TANC2: variants seen among roughly 807,000 people sequenced by gnomAD.
TANC2 encodes the protein protein TANC2.
A neutral mutation model predicts 210.5 loss-of-function variants in TANC2; 26 were observed. The observed-to-expected ratio is 0.12, with a 90% CI of 0.09 to 0.17. The LOEUF is 0.17. TANC2 is among the 10% of genes least tolerant of loss of function. The pLI is 1.00. For synonymous variants in TANC2, 931 were observed against 967.1 expected (o/e 0.96, Z 0.69); for missense variants, 2,129 against 2,608.9 (o/e 0.82, Z 4.01).
intron 5 of TANC2, among the ~76,000 whole-genome samples, chr17:63,176,085 C>G (rs2040570299): frequency 6.6e-6 from 1 of 152,216 alleles, no homozygotes; most frequent in African/African-American, 2.4e-5. Context: ...AACAGGAACT[C>G]TCATGCACAG....
intron 1 of TANC2, among the ~76,000 whole-genome samples, chr17:62,997,522 C>T (rs2033175499): frequency 1.3e-5 from 2 of 151,996 alleles, no homozygotes; most frequent in South Asian, 4.1e-4. Flanking sequence ...CAAAAGGACT[C>T]TGAAGGTCAT....
chr17:63,176,345 G>A (rs1465197207), intron 5 of TANC2, among the ~76,000 whole-genome samples: 3 of 152,160 alleles, frequency 2.0e-5, no homozygotes, highest in Admixed American at 1.3e-4. Context: ...AAGGAATACT[G>A]CTCAGCTATG....
At chr17:63,366,149 C>G (rs1049736319) in intron 14 of TANC2, among the ~76,000 whole-genome samples, 7 of 152,126 alleles carry the variant, frequency 4.6e-5, no homozygotes, top group African/African-American at 1.7e-4. Context: ...AGAAACTCTT[C>G]CCACAACTCA....
At chr17:63,417,932 G>A (rs1271371503) in intron 26 of TANC2, among the ~76,000 whole-genome samples, 2 of 152,202 alleles carry the variant, frequency 1.3e-5, no homozygotes, top group Non-Finnish European at 2.9e-5. Context: ...TCAGACCAGG[G>A]TCCACGTGAA....
intron 5 of TANC2, among the ~76,000 whole-genome samples, chr17:63,184,014 C>CAAAAAAAAAAAAAAAA (rs570141267): frequency 1.7e-5 from 2 of 117,688 alleles, no homozygotes; most frequent in African/African-American, 6.3e-5. Flanking sequence ...GACTCCGTCT[C>CAAAAAAAAAAAAAAAA]AAAAAAAAAA....
chr17:63,333,563 G>A (rs2045928584), intron 11 of TANC2, among the ~76,000 whole-genome samples: 3 of 152,182 alleles, frequency 2.0e-5, no homozygotes, highest in Admixed American at 2.0e-4. Flanking sequence ...TGTGAGCATT[G>A]TAAAAATAAC....
chr17:63,225,502 C>T (rs1179693273), intron 7 of TANC2, among the ~76,000 whole-genome samples: 1 of 152,196 alleles, frequency 6.6e-6, no homozygotes, highest in Non-Finnish European at 1.5e-5. Flanking sequence ...ATCTCACTGT[C>T]TACTGTACAT....
chr17:63,402,198 C>G (rs2048363957), intron 19 of TANC2, among the ~76,000 whole-genome samples: 1 of 152,068 alleles, frequency 6.6e-6, no homozygotes, highest in Non-Finnish European at 1.5e-5. Flanking sequence ...TCTCCCTTGG[C>G]CCACCCCACA....
intron 8 of TANC2, among the ~76,000 whole-genome samples, chr17:63,264,416 T>C (rs2043460141): frequency 6.6e-6 from 1 of 152,096 alleles, no homozygotes. Flanking sequence ...GAGCAGCAAA[T>C]GCAGAGATAA....
intron 9 of TANC2, among the ~76,000 whole-genome samples, chr17:63,290,114 A>G (rs1021306381): frequency 4.0e-5 from 6 of 151,684 alleles, no homozygotes; most frequent in African/African-American, 1.2e-4. Context: ...GTGCTTTGGC[A>G]TGTTTCAAAA....
Position 63,099,186 on chromosome 17 carries a change from A to G in TANC2, c.151A>G (p.Thr51Ala), listed in dbSNP as rs1315894538. The G allele has an allele frequency of 6.2e-7, 1 of 1,609,810 alleles. No individual in the cohort carries two copies. Among genetic ancestry groups the G allele is most frequent in the Admixed American group, 1.7e-5 (1 of 59,500 alleles). The change falls in exon 4 of 28, where the codon ACA (threonine) becomes GCA (alanine). Residue 51 changes from threonine (T) to alanine (A), a missense_variant. By Grantham distance (58) the Thr-to-Ala change is moderately conservative. Around this residue, in one of 5 missense-constraint regions of TANC2, gnomAD observed 739 missense variants for 848.0 expected, o/e 0.87. Transcript: ENST00000689528. ...TCCCCTTCTAACAGGTGGCATCTCC[A>G]CAGAAAGCGACTGTGCTTTTGAGCC...
chr17:63,245,317 A>G (rs1047091723), intron 8 of TANC2, among the ~76,000 whole-genome samples: 8 of 152,220 alleles, frequency 5.3e-5, no homozygotes, highest in Non-Finnish European at 8.8e-5. Flanking sequence ...ATGCATTTCA[A>G]TGAACTTTTT....
At chr17:63,295,614 A>G (rs1245660022) in intron 9 of TANC2, among the ~76,000 whole-genome samples, 1 of 152,210 alleles carries the variant, frequency 6.6e-6, no homozygotes, top group Non-Finnish European at 1.5e-5. Flanking sequence ...AAAGAGAGAT[A>G]AGGGGAAAGA....
intron 2 of TANC2, among the ~76,000 whole-genome samples, chr17:63,073,086 G>T (rs1352404693): frequency 6.6e-6 from 1 of 152,076 alleles, no homozygotes; most frequent in Non-Finnish European, 1.5e-5. Context: ...AAAGGAAATT[G>T]TTTGATGCCT....
chr17:63,338,201 A>G (rs2046101465), intron 11 of TANC2, among the ~76,000 whole-genome samples: 1 of 152,180 alleles, frequency 6.6e-6, no homozygotes, highest in Non-Finnish European at 1.5e-5. Context: ...TACACTTTTC[A>G]ACAATGATTG....
chr17:63,323,866 A>G (rs1488352561), intron 11 of TANC2, among the ~76,000 whole-genome samples: 2 of 152,170 alleles, frequency 1.3e-5, no homozygotes, highest in African/African-American at 4.8e-5. Context: ...CAAATGAGGA[A>G]ATAGAGGCTC....
At chr17:63,184,131 A>G (rs575113031) in intron 5 of TANC2, among the ~76,000 whole-genome samples, 1 of 152,316 alleles carries the variant, frequency 6.6e-6, no homozygotes, top group African/African-American at 2.4e-5. Context: ...TTCATATATA[A>G]TTTCCTTGAA....
chr17:63,383,868 A>G (rs2047691645), intron 15 of TANC2, among the ~76,000 whole-genome samples: 1 of 152,120 alleles, frequency 6.6e-6, no homozygotes, highest in Non-Finnish European at 1.5e-5. Flanking sequence ...TTCCCAGGTA[A>G]TTCTAATGTG....
At position 63,170,718 on chromosome 17, in the gene TANC2, A is replaced by G. The variant is rs533576769; in HGVS notation, c.433+19338A>G. On this transcript the variant is annotated intron_variant, in intron 5 of 27. Transcript: ENST00000689528. ...CCCATTAAATTCTGGGGAATTCTAT[A>G]TATTCTGAAATCGAAATGGTATTAT... Among the ~76,000 whole-genome samples, 21 of 152,300 alleles carry G rather than the reference A, an allele frequency of 1.4e-4. No individual in the cohort carries two copies. In the East Asian group the frequency reaches 3.7e-3, roughly 27 times the overall value.
Sources: allele counts gnomAD v4.1 joint callset (sites outside exome capture counted in the v4.1 genomes callset), GRCh38; gene constraint gnomAD v4.1.1; regional missense constraint gnomAD v4.1.1; transcripts MANE v1.5; gene names NCBI Gene and HGNC (gene_info 2026-07-23, HGNC 2026-07-21).